Variants in RSF1 observed in about 807,000 individuals in gnomAD.
RSF1 encodes the protein HBV pX-associated protein 8.
In RSF1, 13 loss-of-function variants were observed where a neutral mutation model predicts 145.2. That is an observed-to-expected ratio of 0.09 (90% confidence interval 0.06 to 0.14). The LOEUF is 0.14. Ranked by LOEUF, RSF1 falls within the 10% of genes least tolerant of loss-of-function variation. RSF1 has a pLI of 1.00. For synonymous variants in RSF1, 577 were observed against 592.6 expected (o/e 0.97, Z 0.38); for missense variants, 1,517 against 1,718.2 (o/e 0.88, Z 2.07).
chr11:77,870,878 T>A, the RSF1 span, among the ~76,000 whole-genome samples: 349 of 152,312 alleles, frequency 2.3e-3, 8 homozygotes, highest in East Asian at 0.055. Flanking sequence ...ATTCTATAAC[T>A]TTTTCCCCCA....
intron 1 of RSF1, chr11:77,813,171 A>G (rs554869578): frequency 2.6e-6 from 1 of 383,230 alleles, no homozygotes; most frequent in South Asian, 4.6e-5. Flanking sequence ...AGAGAAACCA[A>G]ATTTATTTGA....
At chr11:77,828,084 C>T in the RSF1 span, among the ~76,000 whole-genome samples, 1 of 151,936 alleles carries the variant, frequency 6.6e-6, no homozygotes, top group African/African-American at 2.4e-5. Flanking sequence ...ACCAGCCTGG[C>T]CAACATGGTG....
chr11:77,786,349 C>T (rs665363), intron 1 of RSF1, among the ~76,000 whole-genome samples: 2 of 151,964 alleles, frequency 1.3e-5, no homozygotes, highest in East Asian at 1.9e-4. Context: ...GATCAGCACG[C>T]GAATAAAAAA....
At chr11:77,850,862 C>T in the RSF1 span, 2 of 151,672 alleles carry the variant, frequency 1.3e-5, no homozygotes, top group Non-Finnish European at 2.9e-5. Context: ...TACGACATTT[C>T]AGTATTTCTC....
chr11:77,687,462 A>AC lies in RSF1; in HGVS notation c.2901-2304dup, dbSNP rs370100052. ...TAATTTTGGGAGGCCAAGGTTACCCACCTTGGGTAACCTTGGGTAGATCAC... is the reference window on the plus strand; with the variant it reads ...TAATTTTGGGAGGCCAAGGTTACCCACCCTTGGGTAACCTTGGGTAGATCAC... On this transcript the variant is annotated intron_variant, in intron 9 of 15. Coordinates refer to ENST00000308488, the MANE Select transcript of RSF1 (RefSeq NM_016578.4). Among the ~76,000 whole-genome samples, 446 of 152,068 alleles carry AC rather than the reference A, an allele frequency of 2.9e-3. 2 individuals carry two copies. The highest frequency in any genetic ancestry group is 0.01 in the African/African-American group (428 of 41,486).
chr11:77,784,010 C>T (rs918496359), intron 1 of RSF1, among the ~76,000 whole-genome samples: 6 of 152,128 alleles, frequency 3.9e-5, no homozygotes, highest in African/African-American at 7.2e-5. Flanking sequence ...CTGTGTTTGT[C>T]GTACTTTAGG....
chr11:77,719,118 G>A (rs929432479), intron 5 of RSF1, among the ~76,000 whole-genome samples: 7 of 152,074 alleles, frequency 4.6e-5, no homozygotes, highest in Admixed American at 1.3e-4. Flanking sequence ...ATGGTAGCAT[G>A]TGCCTGTAGT....
At chr11:77,727,993 A>G (rs531302796) in intron 4 of RSF1, among the ~76,000 whole-genome samples, 1 of 152,200 alleles carries the variant, frequency 6.6e-6, no homozygotes, top group Non-Finnish European at 1.5e-5. Flanking sequence ...ATTTTTATGA[A>G]TTCCCTCAAA....
chr11:77,759,358 A>C (rs754281121), intron 2 of RSF1, among the ~76,000 whole-genome samples: 4 of 152,130 alleles, frequency 2.6e-5, no homozygotes, highest in African/African-American at 4.8e-5. Flanking sequence ...AAAAAATAAA[A>C]AATTTTAGCT....
At chr11:77,784,060 T>A (rs1376048467) in intron 1 of RSF1, among the ~76,000 whole-genome samples, 1 of 152,202 alleles carries the variant, frequency 6.6e-6, no homozygotes, top group Non-Finnish European at 1.5e-5. Flanking sequence ...ATAATTTTCA[T>A]CAAATTTGAA....
At chr11:77,841,362 G>T in the RSF1 span, 4 of 587,358 alleles carry the variant, frequency 6.8e-6, no homozygotes, top group Admixed American at 2.7e-5. Context: ...TCTCTGTTCT[G>T]TTAGAGTTTT....
At chr11:77,774,914 C>T (rs1948326559) in intron 1 of RSF1, among the ~76,000 whole-genome samples, 2 of 150,720 alleles carry the variant, frequency 1.3e-5, no homozygotes, top group Admixed American at 1.3e-4. Context: ...TTACAGGCGC[C>T]CGCCACCATG....
intron 9 of RSF1, among the ~76,000 whole-genome samples, chr11:77,690,739 T>C (rs1192530541): frequency 2.0e-5 from 3 of 152,202 alleles, no homozygotes; most frequent in East Asian, 1.9e-4. Context: ...ATACTTCAGA[T>C]AGAAAGTTGG....
At chr11:77,862,194 T>C in the RSF1 span, among the ~76,000 whole-genome samples, 1 of 152,232 alleles carries the variant, frequency 6.6e-6, no homozygotes, top group African/African-American at 2.4e-5. Context: ...CCTGCTGGCC[T>C]GTGGGGAATC....
chr11:77,840,454 C>T, the RSF1 span, among the ~76,000 whole-genome samples: 29,997 of 152,016 alleles, frequency 0.2, 3,576 homozygotes, highest in Middle Eastern at 0.33. Flanking sequence ...ACTTGAACCC[C>T]GGAGGTGGAG....
At chr11:77,724,818 G>A (rs1189822086) in intron 5 of RSF1, among the ~76,000 whole-genome samples, 3 of 152,136 alleles carry the variant, frequency 2.0e-5, no homozygotes, top group East Asian at 1.9e-4. Context: ...GAGCTTGGGC[G>A]GTAATGCTCA....
At chr11:77,825,745 G>C (rs1313350198), upstream of RSF1, among the ~76,000 whole-genome samples, 1 of 150,688 alleles carries the variant, frequency 6.6e-6, no homozygotes, top group African/African-American at 2.4e-5. Flanking sequence ...TGGCTGGAGT[G>C]CAGTGGCACG....
At chr11:77,831,878 T>C in the RSF1 span, 1 of 153,548 alleles carries the variant, frequency 6.5e-6, no homozygotes, top group Non-Finnish European at 1.4e-5. Flanking sequence ...TTTTTTTTTT[T>C]TTTTTTTTTT....
chr11:77,743,641 C>T (rs995712862), intron 3 of RSF1, among the ~76,000 whole-genome samples: 4 of 152,096 alleles, frequency 2.6e-5, no homozygotes, highest in African/African-American at 9.7e-5. Context: ...ATTTTTTATA[C>T]ATAAAATCAT....
Sources: allele counts gnomAD v4.1 joint callset (sites outside exome capture counted in the v4.1 genomes callset), GRCh38; gene constraint gnomAD v4.1.1; transcripts MANE v1.5; gene names NCBI Gene and HGNC (gene_info 2026-07-23, HGNC 2026-07-21).